Variants in NAALADL2 observed in about 807,000 individuals in gnomAD.
The protein encoded by NAALADL2 is inactive N-acetylated-alpha-linked acidic dipeptidase-like protein 2.
Under a neutral mutation model 87.2 loss-of-function variants are expected in NAALADL2, and 76 were observed. The ratio of observed to expected loss-of-function variants is 0.87; its 90% confidence interval spans 0.72 to 1.05. The LOEUF is 1.05. NAALADL2 is among the 50% of genes least tolerant of loss of function. The probability of loss-of-function intolerance (pLI) is 0.00; values close to 1 mark genes in which losing one functional copy is unlikely to be tolerated. For synonymous variants in NAALADL2, 354 were observed against 331.0 expected, an observed-to-expected ratio of 1.07 and a Z score of -0.75; for missense variants, 1,089 against 945.8, an observed-to-expected ratio of 1.15 and a Z score of -1.99.
chr3:174,956,337 A>G (rs1041615241), intron 1 of NAALADL2, among the ~76,000 whole-genome samples: 1 of 152,076 alleles, frequency 6.6e-6, no homozygotes, highest in African/African-American at 2.4e-5. Flanking sequence ...ATTTGGCAGA[A>G]TGATGTCTAA....
At chr3:174,592,996 T>G (rs531545672) in intron 2 of NAALADL2, among the ~76,000 whole-genome samples, 76 of 152,132 alleles carry the variant, frequency 5.0e-4, no homozygotes, top group African/African-American at 1.8e-3. Context: ...GTTTTCAGCT[T>G]TCCTAGCTAT....
At chr3:174,760,342 C>G (rs1001574476) in intron 3 of NAALADL2, among the ~76,000 whole-genome samples, 11 of 152,232 alleles carry the variant, frequency 7.2e-5, no homozygotes, top group Non-Finnish European at 1.5e-5. Flanking sequence ...ATATGAAAAG[C>G]CAGTTGAATT....
intron 1 of NAALADL2, among the ~76,000 whole-genome samples, chr3:175,014,167 C>T (rs1432156835): frequency 1.3e-5 from 2 of 151,990 alleles, no homozygotes; most frequent in African/African-American, 2.4e-5. Flanking sequence ...TATGATTATT[C>T]TTCCTACTGC....
intron 2 of NAALADL2, among the ~76,000 whole-genome samples, chr3:174,648,165 G>A (rs115086438): frequency 0.033 from 5,066 of 152,050 alleles, 227 homozygotes; most frequent in African/African-American, 0.1. Flanking sequence ...TGTTATAATT[G>A]TTCTATTTTA....
At chr3:175,213,578 T>C (rs1035763410) in intron 2 of NAALADL2, among the ~76,000 whole-genome samples, 2 of 152,092 alleles carry the variant, frequency 1.3e-5, no homozygotes, top group African/African-American at 4.8e-5. Context: ...AAGAACAATC[T>C]AGATAGGTAA....
chr3:175,521,268 A>G (rs1407519592), intron 9 of NAALADL2, among the ~76,000 whole-genome samples: 2 of 152,076 alleles, frequency 1.3e-5, no homozygotes, highest in Non-Finnish European at 2.9e-5. Flanking sequence ...TAATAATACT[A>G]TTTTAACTTG....
intron 3 of NAALADL2, among the ~76,000 whole-genome samples, chr3:174,776,879 T>C (rs1008210799): frequency 2.0e-5 from 3 of 152,120 alleles, no homozygotes; most frequent in Admixed American, 1.3e-4. Context: ...CATAATTCAG[T>C]TCCGAGTGCA....
At chr3:174,507,219 C>T (rs1719255159) in intron 1 of NAALADL2, among the ~76,000 whole-genome samples, 1 of 152,064 alleles carries the variant, frequency 6.6e-6, no homozygotes, top group African/African-American at 2.4e-5. Flanking sequence ...ATGGCTAGTA[C>T]CCTTAATGAA....
intron 1 of NAALADL2, among the ~76,000 whole-genome samples, chr3:174,530,580 C>T (rs1721150849): frequency 6.6e-6 from 1 of 152,198 alleles, no homozygotes; most frequent in Admixed American, 6.5e-5. Context: ...GTTTATTGGA[C>T]TTACAGTTCC....
intron 2 of NAALADL2, among the ~76,000 whole-genome samples, chr3:175,202,008 A>G (rs543440357): frequency 1.3e-5 from 2 of 152,192 alleles, no homozygotes; most frequent in Non-Finnish European, 2.9e-5. Flanking sequence ...ATATTTACTC[A>G]TTCAGTCCAC....
intron 9 of NAALADL2, among the ~76,000 whole-genome samples, chr3:175,509,269 T>C (rs1050488997): frequency 6.6e-6 from 1 of 152,210 alleles, no homozygotes; most frequent in African/African-American, 2.4e-5. Context: ...ATAGTAGCCA[T>C]CCTCAGGTGC....
chr3:174,733,934 C>A (rs1014539725), intron 2 of NAALADL2, among the ~76,000 whole-genome samples: 13 of 151,964 alleles, frequency 8.6e-5, no homozygotes, highest in African/African-American at 3.1e-4. Flanking sequence ...TTTTGAGAGG[C>A]CTGGTGGGGG....
chr3:175,291,672 A>T (rs1239944275), intron 4 of NAALADL2, among the ~76,000 whole-genome samples: 1 of 152,188 alleles, frequency 6.6e-6, no homozygotes, highest in East Asian at 1.9e-4. Flanking sequence ...CTTTACCCCA[A>T]GGAATGAAGA....
chr3:174,442,310 T>A (rs1208251965), intron 1 of NAALADL2, among the ~76,000 whole-genome samples: 1 of 152,170 alleles, frequency 6.6e-6, no homozygotes, highest in Non-Finnish European at 1.5e-5. Context: ...ATTTTCACCA[T>A]TTTTTCCCAC....
chr3:174,499,348 A>G (rs911933707), intron 1 of NAALADL2, among the ~76,000 whole-genome samples: 1 of 152,062 alleles, frequency 6.6e-6, no homozygotes, highest in Admixed American at 6.6e-5. Flanking sequence ...ATAATTTGCA[A>G]ATATATTCTC....
At chr3:174,851,587 C>G (rs1028162600) in intron 3 of NAALADL2, among the ~76,000 whole-genome samples, 12 of 152,040 alleles carry the variant, frequency 7.9e-5, no homozygotes, top group African/African-American at 2.9e-4. Flanking sequence ...ATATCTGGAA[C>G]AGACCAATAA....
At chr3:175,607,299 T>G (rs1396718918) in intron 10 of NAALADL2, among the ~76,000 whole-genome samples, 1 of 152,248 alleles carries the variant, frequency 6.6e-6, no homozygotes, top group East Asian at 1.9e-4. Flanking sequence ...CATTTTATTG[T>G]ATTTTTCTCA....
rs577307215 is a variant in NAALADL2 at position 174,907,534 on chromosome 3, T to TAC, written c.43+48085_43+48086insCA. ...AAATTTCTCATGGCTCTGTATACTATAGAGGAATGTTACAAAAAACATTGA... is the reference window on the plus strand; with the variant it reads ...AAATTTCTCATGGCTCTGTATACTATACAGAGGAATGTTACAAAAAACATTGA... On this transcript the variant is annotated intron_variant, in intron 1 of 13. Coordinates refer to ENST00000454872, the MANE Select transcript of NAALADL2 (RefSeq NM_207015.3). Among the ~76,000 whole-genome samples, 6 of 152,214 alleles carry TAC rather than the reference T, an allele frequency of 3.9e-5. No individual in the cohort carries two copies. In the South Asian group the frequency reaches 1.0e-3, roughly 26 times the overall value.
intron 2 of NAALADL2, among the ~76,000 whole-genome samples, chr3:174,601,556 G>A (rs1409395539): frequency 2.0e-5 from 3 of 152,232 alleles, no homozygotes; most frequent in Admixed American, 6.5e-5. Context: ...TCCCTTCTCA[G>A]ATGGGTAGTT....
Sources: gnomAD v4.1 joint callset for allele counts (sites outside exome capture counted in the v4.1 genomes callset) on GRCh38, gnomAD v4.1.1 for gene constraint, MANE v1.5 for transcripts, NCBI Gene and HGNC (gene_info 2026-07-23, HGNC 2026-07-21) for gene names.